Variants in OPA1 observed in about 807,000 individuals in gnomAD.
OPA1 encodes dynamin-like GTPase OPA1, mitochondrial.
Under a neutral mutation model 152.9 loss-of-function variants are expected in OPA1, and 59 were observed. The ratio of observed to expected loss-of-function variants is 0.39; its 90% CI spans 0.31 to 0.48. The LOEUF (loss-of-function observed/expected upper bound fraction) is 0.48. Ranked by LOEUF, OPA1 falls within the 20% of genes least tolerant of loss-of-function variation. The pLI is 0.96. For synonymous variants in OPA1, 400 were observed against 389.9 expected (o/e 1.03, Z -0.31); for missense variants, 1,008 against 1,216.8 (o/e 0.83, Z 2.55).
intron 29 of OPA1, among the ~76,000 whole-genome samples, chr3:193,670,161 T>C (rs1475136404): frequency 1.3e-5 from 2 of 152,184 alleles, no homozygotes; most frequent in South Asian, 4.1e-4. Context: ...ATTTAAGTTA[T>C]TAATGTATTA....
At chr3:193,597,107 A>G (rs994567116) in intron 1 of OPA1, among the ~76,000 whole-genome samples, 3 of 152,148 alleles carry the variant, frequency 2.0e-5, no homozygotes, top group Non-Finnish European at 4.4e-5. Flanking sequence ...TGTGGATGGT[A>G]ATGGAGGAAA....
chr3:193,663,872 A>C (rs549385487), intron 26 of OPA1, among the ~76,000 whole-genome samples: 1 of 152,304 alleles, frequency 6.6e-6, no homozygotes, highest in Middle Eastern at 3.4e-3. Context: ...TAATGATTAC[A>C]TGAGCTGTTT....
At chr3:193,600,585 A>G (rs1388716898) in intron 1 of OPA1, among the ~76,000 whole-genome samples, 3 of 152,232 alleles carry the variant, frequency 2.0e-5, no homozygotes. Context: ...TTCAGACAAT[A>G]TAAGCAGTTC....
At chr3:193,670,526 C>G (rs1717688748) in intron 29 of OPA1, among the ~76,000 whole-genome samples, 1 of 151,974 alleles carries the variant, frequency 6.6e-6, no homozygotes, top group South Asian at 2.1e-4. Context: ...GCCACCATGC[C>G]TGGCTTATTT....
At chr3:193,638,773 T>C (rs1733318389) in intron 11 of OPA1, among the ~76,000 whole-genome samples, 1 of 152,204 alleles carries the variant, frequency 6.6e-6, no homozygotes, top group African/African-American at 2.4e-5. Flanking sequence ...AATTACTATA[T>C]TTTGTAAATG....
chr3:193,599,746 C>G (rs1726175820), intron 1 of OPA1, among the ~76,000 whole-genome samples: 9 of 152,090 alleles, frequency 5.9e-5, no homozygotes. Flanking sequence ...AAACTTCAGA[C>G]AAGTTAAATT....
At chr3:193,602,985 C>T (rs1726691277) in intron 1 of OPA1, among the ~76,000 whole-genome samples, 1 of 152,170 alleles carries the variant, frequency 6.6e-6, no homozygotes, top group African/African-American at 2.4e-5. Context: ...TGAATGAAGT[C>T]CATCTGTAAA....
In OPA1 at chr3:193,617,281, C is replaced by G. The variant is rs774581197; in HGVS notation, c.552C>G (p.Thr184=). The change falls in exon 4 of 31, where the codon ACC becomes ACG. Residue 184 remains threonine (T), a synonymous_variant. Coordinates refer to ENST00000361510, the MANE Select transcript of OPA1 (RefSeq NM_130837.3). The stretch of plus-strand genomic sequence containing the variant: ...TTAGCTTATTGAAGGACTTTTTTAC[C>G]TCAGGTAAGGAAGAAGCTGTTTGAT... ...ESLSLLKDFF[T]SGHKLVSEVI... 3.2e-6 allele frequency: 5 copies of G among 1,583,354 alleles called. No homozygotes were observed. Among genetic ancestry groups the G allele is most frequent in the Non-Finnish European group, 4.3e-6 (5 of 1,152,486 alleles).
intron 1 of OPA1, among the ~76,000 whole-genome samples, chr3:193,603,299 G>A (rs780750315): frequency 3.3e-5 from 5 of 152,132 alleles, no homozygotes; most frequent in African/African-American, 1.2e-4. Context: ...AATCAGATGC[G>A]TTGCACTGTT....
chr3:193,595,629 G>C (rs1361172275), intron 1 of OPA1, among the ~76,000 whole-genome samples: 1 of 152,134 alleles, frequency 6.6e-6, no homozygotes. Context: ...GAATCTGTTA[G>C]GGTCTTGACT....
At chr3:193,681,441 G>A (rs1720109171) in intron 29 of OPA1, among the ~76,000 whole-genome samples, 2 of 152,098 alleles carry the variant, frequency 1.3e-5, no homozygotes, top group South Asian at 4.1e-4. Flanking sequence ...TGAAAAATTT[G>A]GGTTGAAAGA....
intron 1 of OPA1, among the ~76,000 whole-genome samples, chr3:193,604,913 A>C (rs949849374): frequency 6.6e-6 from 1 of 151,974 alleles, no homozygotes; most frequent in African/African-American, 2.4e-5. Flanking sequence ...TTTCCATTGA[A>C]GCCCTGTGAC....
intron 22 of OPA1, among the ~76,000 whole-genome samples, 167 bp from the exon 23 acceptor site, chr3:193,656,913 C>G (rs1713977874): frequency 6.6e-6 from 1 of 152,186 alleles, no homozygotes; most frequent in Non-Finnish European, 1.5e-5. Context: ...TGTGAGACCT[C>G]TACATCATGG....
rs1279436408 is a variant in OPA1, at chr3:193,697,078, G to A, written c.*2478G>A. Reference sequence around the variant, plus strand: ...ATAAAAATAAGTAGGGAACATGGCAGAGAGTGGTGCTTCCCAGCCTCACAA... The same window carrying A: ...ATAAAAATAAGTAGGGAACATGGCAAAGAGTGGTGCTTCCCAGCCTCACAA... On this transcript the variant is annotated 3_prime_UTR_variant, in exon 31 of 31. Coordinates refer to ENST00000361510, the MANE Select transcript of OPA1 (RefSeq NM_130837.3). 1 of 152,226 alleles carries A rather than the reference G, an allele frequency of 6.6e-6. No individual in the cohort carries two copies. The highest frequency in any genetic ancestry group is 1.9e-4 in the East Asian group (1 of 5,202). The allele number at this position is 152,226 out of a possible 1,614,324, so 9.4% of individuals were successfully genotyped here.
chr3:193,660,996 T>C (rs1715143718), intron 25 of OPA1, among the ~76,000 whole-genome samples: 1 of 152,238 alleles, frequency 6.6e-6, no homozygotes, highest in Non-Finnish European at 1.5e-5. Context: ...ATATTAGGCC[T>C]AAAGTCTCTA....
At chr3:193,639,155 C>G (rs767030921) in intron 11 of OPA1, among the ~76,000 whole-genome samples, 41 of 152,250 alleles carry the variant, frequency 2.7e-4, no homozygotes, top group Non-Finnish European at 5.1e-4. Context: ...CAGAGTCTTT[C>G]ATTGAACAGA....
At chr3:193,641,775 C>T (rs1468203824) in intron 11 of OPA1, among the ~76,000 whole-genome samples, 4 of 152,184 alleles carry the variant, frequency 2.6e-5, no homozygotes, top group African/African-American at 9.7e-5. Context: ...GTCAATTAGG[C>T]ATTTAGAAGT....
At chr3:193,626,859 G>A (rs368820022) in intron 7 of OPA1, among the ~76,000 whole-genome samples, 3 of 152,126 alleles carry the variant, frequency 2.0e-5, no homozygotes, top group East Asian at 1.9e-4. Flanking sequence ...AAGCTTAAGT[G>A]TATACCAATA....
chr3:193,611,596 C>CAAAAA (rs35159597), intron 1 of OPA1, among the ~76,000 whole-genome samples: 1 of 68,780 alleles, frequency 1.5e-5, no homozygotes. Flanking sequence ...GACTCCACCT[C>CAAAAA]AAAAAAAAAA....
Sources: allele counts gnomAD v4.1 joint callset (sites outside exome capture counted in the v4.1 genomes callset), GRCh38; gene constraint gnomAD v4.1.1; transcripts MANE v1.5; gene names NCBI Gene and HGNC (gene_info 2026-07-23, HGNC 2026-07-21).